The following HPSE2 variants were observed in gnomAD, a reference collection of about 807,000 sequenced individuals.
The protein encoded by HPSE2 is inactive heparanase-2.
A neutral mutation model predicts 60.5 loss-of-function variants in HPSE2; 38 were observed. The ratio of observed to expected loss-of-function variants is 0.63; its 90% CI spans 0.48 to 0.82. The LOEUF (loss-of-function observed/expected upper bound fraction) is 0.82, where lower values mean the gene tolerates loss of function less well. HPSE2 is among the 40% of genes least tolerant of loss of function. The probability of loss-of-function intolerance (pLI) is 0.00; values close to 1 mark genes in which losing one functional copy is unlikely to be tolerated. For synonymous variants in HPSE2, 295 were observed against 293.2 expected (o/e 1.01, Z -0.06); for missense variants, 713 against 740.4 (o/e 0.96, Z 0.43).
At chr10:99,257,564 C>T in the HPSE2 span, among the ~76,000 whole-genome samples, 50,270 of 151,942 alleles carry the variant, frequency 0.33, 11,256 homozygotes, top group African/African-American at 0.64. Context: ...TTGGTCAGAC[C>T]GGTTGTCTGC....
At chr10:98,529,072 G>A (rs1472340118) in intron 9 of HPSE2, among the ~76,000 whole-genome samples, 3 of 152,216 alleles carry the variant, frequency 2.0e-5, no homozygotes, top group South Asian at 2.1e-4. Context: ...GCGCGCACGC[G>A]CGCACACACA....
At chr10:98,566,525 T>C (rs1004472606) in intron 9 of HPSE2, among the ~76,000 whole-genome samples, 3 of 152,244 alleles carry the variant, frequency 2.0e-5, no homozygotes, top group Non-Finnish European at 4.4e-5. Flanking sequence ...AAGGCCACGC[T>C]AAAGACCTAG....
At chr10:98,847,201 T>C (rs1952055199) in intron 3 of HPSE2, among the ~76,000 whole-genome samples, 1 of 152,220 alleles carries the variant, frequency 6.6e-6, no homozygotes, top group African/African-American at 2.4e-5. Context: ...GTAGAGTCTA[T>C]GTCCCCTTGC....
intron 2 of HPSE2, among the ~76,000 whole-genome samples, chr10:99,177,355 T>A (rs1473778541): frequency 6.6e-6 from 1 of 152,078 alleles, no homozygotes; most frequent in East Asian, 1.9e-4. Context: ...GACCCATCAG[T>A]GTGCTGTATT....
chr10:98,752,747 T>C (rs1348978064), intron 3 of HPSE2, among the ~76,000 whole-genome samples: 2 of 152,200 alleles, frequency 1.3e-5, no homozygotes, highest in Non-Finnish European at 2.9e-5. Context: ...ACTCCCATGT[T>C]TATCACAGCA....
At chr10:99,223,144 C>T (rs999188928) in intron 2 of HPSE2, among the ~76,000 whole-genome samples, 1 of 152,122 alleles carries the variant, frequency 6.6e-6, no homozygotes, top group Non-Finnish European at 1.5e-5. Flanking sequence ...GTCTCTGTGG[C>T]ACAACTCATT....
chr10:98,779,533 A>C (rs1248163878), intron 3 of HPSE2, among the ~76,000 whole-genome samples: 1 of 152,178 alleles, frequency 6.6e-6, no homozygotes, highest in Middle Eastern at 3.2e-3. Flanking sequence ...AGATGTATTT[A>C]CACACACCAT....
At chr10:99,139,642 C>G (rs929859309) in intron 3 of HPSE2, among the ~76,000 whole-genome samples, 6 of 152,006 alleles carry the variant, frequency 3.9e-5, no homozygotes, top group Non-Finnish European at 8.8e-5. Flanking sequence ...TAAAACATGT[C>G]TTTCACCATT....
At chr10:98,814,009 G>A (rs990454699) in intron 3 of HPSE2, among the ~76,000 whole-genome samples, 2 of 152,034 alleles carry the variant, frequency 1.3e-5, no homozygotes, top group Non-Finnish European at 2.9e-5. Context: ...TTAAAAAAGG[G>A]GAAACTGAAG....
chr10:98,986,971 T>C (rs917423431), intron 3 of HPSE2, among the ~76,000 whole-genome samples: 3 of 152,002 alleles, frequency 2.0e-5, no homozygotes, highest in African/African-American at 7.3e-5. Context: ...AACAGACCAA[T>C]AGCAGGCTCC....
At chr10:98,838,368 C>T (rs574096565) in intron 3 of HPSE2, among the ~76,000 whole-genome samples, 1 of 152,108 alleles carries the variant, frequency 6.6e-6, no homozygotes, top group South Asian at 2.1e-4. Context: ...GAGAGCCTGG[C>T]ACATAGCTGA....
At chr10:98,962,696 C>G (rs1415302551) in intron 3 of HPSE2, among the ~76,000 whole-genome samples, 2 of 149,656 alleles carry the variant, frequency 1.3e-5, no homozygotes, top group Non-Finnish European at 3.0e-5. Context: ...CGTCTCAGCC[C>G]AAAATCTCCT....
intron 3 of HPSE2, among the ~76,000 whole-genome samples, chr10:98,815,627 T>C (rs1351885592): frequency 2.0e-5 from 3 of 152,002 alleles, no homozygotes; most frequent in East Asian, 1.9e-4. Flanking sequence ...AATAAAATGG[T>C]CCTTACAAAG....
intron 9 of HPSE2, among the ~76,000 whole-genome samples, chr10:98,603,757 G>T (rs755539112): frequency 7.9e-5 from 12 of 152,042 alleles, no homozygotes; most frequent in Non-Finnish European, 1.8e-4. Context: ...GCCCTCAGGA[G>T]AAACTAGTTA....
At chr10:99,178,284 G>A (rs767305310) in intron 2 of HPSE2, among the ~76,000 whole-genome samples, 1 of 151,574 alleles carries the variant, frequency 6.6e-6, no homozygotes, top group Non-Finnish European at 1.5e-5. Flanking sequence ...AGAACTGAAG[G>A]AGATAGAGAC....
rs569335824 is a variant in HPSE2 at position 99,061,342 on chromosome 10, TTC to T, written c.610+82894_610+82895del. ...AAGTCCTCAAGTGATGTGTGTTCAT[TTC>T]TGTTACTCTCTCAAAATTTTCCAAA... On this transcript the variant is annotated intron_variant, in intron 3 of 11. Transcript: ENST00000370552. Among the ~76,000 whole-genome samples the T allele has an allele frequency of 1.1e-4, 17 of 152,330 alleles. No individual in the cohort carries two copies. The South Asian group carries it at 3.1e-3, about 28-fold the overall frequency.
At chr10:98,954,411 A>G (rs1955452080) in intron 3 of HPSE2, among the ~76,000 whole-genome samples, 1 of 152,190 alleles carries the variant, frequency 6.6e-6, no homozygotes, top group African/African-American at 2.4e-5. Flanking sequence ...TTTCCATTCT[A>G]TTGGGAGCCC....
At chr10:98,508,917 G>A (rs1176102797) in intron 9 of HPSE2, among the ~76,000 whole-genome samples, 1 of 152,194 alleles carries the variant, frequency 6.6e-6, no homozygotes, top group Admixed American at 6.5e-5. Context: ...TACAATAAAT[G>A]AGAAGCCATT....
chr10:99,259,033 T>C, the HPSE2 span, among the ~76,000 whole-genome samples: 294 of 152,204 alleles, frequency 1.9e-3, 2 homozygotes, highest in African/African-American at 6.9e-3. Context: ...AATAAAACAT[T>C]TGCTCTTCAA....
Sources: gnomAD v4.1 joint callset for allele counts (sites outside exome capture counted in the v4.1 genomes callset) on GRCh38, gnomAD v4.1.1 for gene constraint, MANE v1.5 for transcripts, NCBI Gene and HGNC (gene_info 2026-07-23, HGNC 2026-07-21) for gene names.